The following DLEU7 variants were observed in gnomAD, a reference collection of about 807,000 sequenced individuals.
The protein encoded by DLEU7 is leukemia-associated protein 7.
Under a neutral mutation model 16.0 loss-of-function variants are expected in DLEU7, and 17 were observed. The ratio of observed to expected loss-of-function variants is 1.06; its 90% CI spans 0.73 to 1.59. The LOEUF is 1.59. DLEU7 is among the 40% of genes most tolerant of loss of function. DLEU7 has a pLI of 0.00. For synonymous variants in DLEU7, 113 were observed against 139.8 expected (o/e 0.81, Z 1.35); for missense variants, 308 against 314.9 (o/e 0.98, Z 0.17).
At chr13:50,793,381 G>C (rs1201439495) in intron 1 of DLEU7, among the ~76,000 whole-genome samples, 2 of 152,170 alleles carry the variant, frequency 1.3e-5, no homozygotes, top group Non-Finnish European at 2.9e-5. Flanking sequence ...TAGTGAGATT[G>C]CTGGGTCAAA....
intron 1 of DLEU7, among the ~76,000 whole-genome samples, chr13:50,721,091 G>C (rs902155720): frequency 6.6e-6 from 1 of 152,162 alleles, no homozygotes; most frequent in African/African-American, 2.4e-5. Flanking sequence ...TGCCAGTACG[G>C]CCAGACTAAA....
At chr13:50,799,195 T>G (rs1458740873) in intron 1 of DLEU7, among the ~76,000 whole-genome samples, 3 of 152,190 alleles carry the variant, frequency 2.0e-5, no homozygotes, top group Non-Finnish European at 4.4e-5. Flanking sequence ...TTTATCCTCC[T>G]ACACACATGC....
At chr13:50,711,776 G>GGGGGTGGGGT (rs1566225409), downstream of DLEU7, 1 of 118,806 alleles carries the variant, frequency 8.4e-6, no homozygotes, top group African/African-American at 3.5e-5. Context: ...CAGTGGCGGG[G>GGGGGTGGGGT]GCGGGGGGCA....
At chr13:50,812,069 CA>C (rs35178818) in intron 1 of DLEU7, among the ~76,000 whole-genome samples, 395 of 104,556 alleles carry the variant, frequency 3.8e-3, no homozygotes, top group Middle Eastern at 9.9e-3. Context: ...GATTCCATCT[CA>C]AAAAAAAAAA....
chr13:50,835,201 C>T (rs1483659380), intron 1 of DLEU7, among the ~76,000 whole-genome samples: 1 of 152,158 alleles, frequency 6.6e-6, no homozygotes, highest in Non-Finnish European at 1.5e-5. Context: ...ATTAACTCCT[C>T]TATTTCAGAA....
intron 1 of DLEU7, among the ~76,000 whole-genome samples, chr13:50,764,873 GTTTGTTTTGT>G (rs199824550): frequency 7.4e-6 from 1 of 135,274 alleles, no homozygotes; most frequent in African/African-American, 3.2e-5. Context: ...CCTTTTTTGG[GTTTGTTTTGT>G]TTTGTTTTGT....
chr13:50,778,321 C>T (rs536337332), intron 1 of DLEU7, among the ~76,000 whole-genome samples: 1 of 152,170 alleles, frequency 6.6e-6, no homozygotes, highest in Admixed American at 6.5e-5. Flanking sequence ...TAGTTACCTC[C>T]TACCAGGTCC....
chr13:50,755,042 T>C (rs1304591335), intron 1 of DLEU7, among the ~76,000 whole-genome samples: 1 of 152,216 alleles, frequency 6.6e-6, no homozygotes, highest in African/African-American at 2.4e-5. Context: ...CTTGCAAGGT[T>C]TCTGTTGAGA....
chr13:50,734,341 A>G (rs1468953457), intron 1 of DLEU7, among the ~76,000 whole-genome samples: 1 of 152,200 alleles, frequency 6.6e-6, no homozygotes, highest in Non-Finnish European at 1.5e-5. Context: ...AAAATGTTCA[A>G]AATCTTCAAT....
chr13:50,712,810 A>G (rs1284953031), exon 2 of DLEU7: 1 of 188,908 alleles, frequency 5.3e-6, no homozygotes, highest in Non-Finnish European at 1.1e-5. Flanking sequence ...CTGGCTTAGG[A>G]GAATGTTGGA....
chr13:50,834,793 A>C (rs1156504743), intron 1 of DLEU7, among the ~76,000 whole-genome samples: 1 of 152,206 alleles, frequency 6.6e-6, no homozygotes, highest in African/African-American at 2.4e-5. Flanking sequence ...GAACCAACCC[A>C]AATGCCCATC....
chr13:50,832,416 C>A (rs946723961), intron 1 of DLEU7, among the ~76,000 whole-genome samples: 2 of 152,072 alleles, frequency 1.3e-5, no homozygotes, highest in African/African-American at 4.8e-5. Context: ...TTTTGTTAAT[C>A]TTTTCAAAAA....
intron 1 of DLEU7, among the ~76,000 whole-genome samples, chr13:50,797,611 ATTG>A (rs1032734575): frequency 6.6e-6 from 1 of 152,164 alleles, no homozygotes; most frequent in African/African-American, 2.4e-5. Context: ...CTCAATGGCA[ATTG>A]TTTATTCTCA....
At chr13:50,815,300 T>C (rs1210701588) in intron 1 of DLEU7, among the ~76,000 whole-genome samples, 3 of 152,148 alleles carry the variant, frequency 2.0e-5, no homozygotes, top group Non-Finnish European at 4.4e-5. Flanking sequence ...AATTTCTCAC[T>C]TCTTTGAATA....
chr13:50,826,394 T>C (rs1006497119), intron 1 of DLEU7, among the ~76,000 whole-genome samples: 1 of 152,002 alleles, frequency 6.6e-6, no homozygotes, highest in Non-Finnish European at 1.5e-5. Flanking sequence ...TTCTAAAAAA[T>C]GATAATTATA....
Position 50,793,718 on chromosome 13 carries a change from C to T in DLEU7, c.459+49470G>A, listed in dbSNP as rs1424489193. 2.0e-5 allele frequency among the ~76,000 whole-genome samples: 3 copies of T among 152,052 alleles called. No homozygotes were observed. The East Asian group carries it at 5.8e-4, about 29-fold the overall frequency. On this transcript the variant is annotated intron_variant, in intron 1 of 1. Transcript: ENST00000400393. ...GGATTGTTTGTTTTTTGCTCATTGA[C>T]TTATTTAAGTTCCTTATAGATTCTG...
intron 1 of DLEU7, among the ~76,000 whole-genome samples, chr13:50,768,287 TA>T (rs1172504737): frequency 3.3e-5 from 5 of 151,340 alleles, no homozygotes; most frequent in South Asian, 2.1e-4. Context: ...TTCATGATTT[TA>T]TTTTTTTTTT....
rs1875104087 is a variant in DLEU7 at position 50,766,250 on chromosome 13, T to C, written c.460-53010A>G. ...AAAGAAGGATACTGTCAGCCCAAAT[T>C]GCTCACTCCCATCACGTTCGGCATC... On this transcript the variant is annotated intron_variant, in intron 1 of 1. Coordinates refer to the DLEU7 transcript ENST00000400393. Among the ~76,000 whole-genome samples, 3 of 152,102 alleles carry C rather than the reference T, an allele frequency of 2.0e-5. No homozygotes were observed. In the South Asian group the frequency reaches 6.2e-4, roughly 32 times the overall value.
chr13:50,754,861 G>C (rs1280330818), intron 1 of DLEU7, among the ~76,000 whole-genome samples: 2 of 152,186 alleles, frequency 1.3e-5, no homozygotes, highest in Non-Finnish European at 2.9e-5. Context: ...GCTCCTTTTA[G>C]CAGTTCTTGT....
Sources: allele counts gnomAD v4.1 joint callset (sites outside exome capture counted in the v4.1 genomes callset), GRCh38; gene constraint gnomAD v4.1.1; transcripts MANE v1.5; gene names NCBI Gene and HGNC (gene_info 2026-07-23, HGNC 2026-07-21).